The following CASK variants were observed in gnomAD, a reference collection of about 807,000 sequenced individuals.
CASK encodes peripheral plasma membrane protein CASK.
In CASK, 4 loss-of-function variants were observed where a neutral mutation model predicts 82.9. That is an observed-to-expected ratio of 0.05 (90% CI 0.02 to 0.11). The LOEUF is 0.11. CASK is among the 10% of genes least tolerant of loss of function. The pLI, the probability that CASK is intolerant of heterozygous loss-of-function variation, is 1.00. For missense variants in CASK, 358 were observed against 720.9 expected, an observed-to-expected ratio of 0.50 and a Z score of 5.76; for synonymous variants, 259 against 253.5, an observed-to-expected ratio of 1.02 and a Z score of -0.20.
At chrX:41,911,443 A>G (rs1222500550) in intron 1 of CASK, among the ~76,000 whole-genome samples, 2 of 112,539 alleles carry the variant, frequency 1.8e-5, no homozygotes, top group African/African-American at 3.2e-5. Context: ...AAGAACTAGA[A>G]GATGAAATAC....
intron 1 of CASK, among the ~76,000 whole-genome samples, chrX:41,888,724 A>AATATATGTATATATATACAT (rs1447918921): frequency 2.8e-4 from 29 of 103,074 alleles, no homozygotes; most frequent in African/African-American, 9.9e-4. Context: ...TATGTATGTG[A>AATATATGTATATATATACAT]ATATATGTAT....
intron 1 of CASK, among the ~76,000 whole-genome samples, chrX:41,881,328 C>T (rs1242143333): frequency 8.9e-6 from 1 of 111,796 alleles, no homozygotes; most frequent in Non-Finnish European, 1.9e-5. Context: ...GACAGCTCTA[C>T]TCAAGGTGAA....
In CASK at chrX:41,515,979, T is replaced by C. The variant is rs2064544130; in HGVS notation, c.*4441A>G. 1 of 112,473 alleles carries C rather than the reference T, an allele frequency of 8.9e-6. No homozygotes were observed. The highest frequency in any genetic ancestry group is 3.2e-5 in the African/African-American group (1 of 30,978). The allele number at this position is 112,473 out of a possible 1,213,427, so 9.3% of individuals were successfully genotyped here. ...ACAAACATCTCTTTCCATTTTCTTTTGCTCAGTCCATTTGCACAGGTTCGA... is the reference window on the plus strand; with the variant it reads ...ACAAACATCTCTTTCCATTTTCTTTCGCTCAGTCCATTTGCACAGGTTCGA... On this transcript the variant is annotated 3_prime_UTR_variant, in exon 27 of 27. Transcript: ENST00000378163.
chrX:41,695,596 C>T, intron 5 of CASK: 1 of 975,184 alleles, frequency 1.0e-6, no homozygotes. Flanking sequence ...AGGAATATGT[C>T]ATTTAGCACT....
intron 4 of CASK, among the ~76,000 whole-genome samples, chrX:41,744,633 C>A (rs183366173): frequency 8.9e-6 from 1 of 111,732 alleles, no homozygotes; most frequent in Non-Finnish European, 1.9e-5. Context: ...CATGAGCCAC[C>A]GCGCCCGGCC....
At position 41,520,323 on chromosome X, in the gene CASK, C is replaced by A; in HGVS notation, c.*97G>T. The A allele has an allele frequency of 1.6e-6, 1 of 615,180 alleles. No individual in the cohort carries two copies. The highest frequency in any genetic ancestry group is 2.6e-6 in the Non-Finnish European group (1 of 386,710). The allele number at this position is 615,180 out of a possible 1,213,427, so 50.7% of individuals were successfully genotyped here. On this transcript the variant is annotated 3_prime_UTR_variant, in exon 27 of 27. Coordinates refer to ENST00000378163, the MANE Select transcript of CASK (RefSeq NM_001367721.1). ...GTAGGTCACACTACAACTAGGTAGTCTCTAGGGACCATGACCTGCTGACAC... is the reference window on the plus strand; with the variant it reads ...GTAGGTCACACTACAACTAGGTAGTATCTAGGGACCATGACCTGCTGACAC...
chrX:41,734,655 G>T (rs769145750), intron 5 of CASK, among the ~76,000 whole-genome samples: 1 of 111,710 alleles, frequency 9.0e-6, no homozygotes, highest in African/African-American at 3.2e-5. Flanking sequence ...CTTAACCAGG[G>T]ACAATTTTTG....
At chrX:41,862,498 G>A (rs2071509231) in intron 1 of CASK, among the ~76,000 whole-genome samples, 1 of 99,051 alleles carries the variant, frequency 1.0e-5, no homozygotes, top group African/African-American at 3.8e-5. Context: ...CAGAGATCAT[G>A]CCACTGCACT....
chrX:41,716,375 G>T (rs779410590), intron 5 of CASK, among the ~76,000 whole-genome samples: 1 of 112,510 alleles, frequency 8.9e-6, no homozygotes, highest in Admixed American at 9.4e-5. Context: ...ATTTGCCTTC[G>T]CAAGTGTGTG....
At chrX:41,670,646 G>A (rs1338018200) in intron 6 of CASK, among the ~76,000 whole-genome samples, 1 of 111,083 alleles carries the variant, frequency 9.0e-6, no homozygotes, top group African/African-American at 3.3e-5. Flanking sequence ...TACTTGGGAG[G>A]TTGAGGTGGG....
At chrX:41,655,775 T>C (rs889939758) in intron 8 of CASK, among the ~76,000 whole-genome samples, 4 of 111,401 alleles carry the variant, frequency 3.6e-5, no homozygotes, top group African/African-American at 1.3e-4. Flanking sequence ...CAGCATCCTG[T>C]TTGGAAGGAT....
intron 12 of CASK, among the ~76,000 whole-genome samples, chrX:41,604,297 C>T (rs906309399): frequency 9.9e-6 from 1 of 101,437 alleles, no homozygotes; most frequent in African/African-American, 3.6e-5. Flanking sequence ...AAATAAGTGT[C>T]TTTATAGATG....
chrX:41,535,785 A>G (rs1438056652), intron 22 of CASK, among the ~76,000 whole-genome samples: 2 of 112,140 alleles, frequency 1.8e-5, no homozygotes, highest in African/African-American at 6.5e-5. Flanking sequence ...AAATACTTTA[A>G]CAAATATTTT....
chrX:41,699,612 C>T (rs1044763572), intron 5 of CASK, among the ~76,000 whole-genome samples: 2 of 110,642 alleles, frequency 1.8e-5, no homozygotes, highest in African/African-American at 6.6e-5. Flanking sequence ...TAAATACACT[C>T]ATAGTTCTAG....
At chrX:41,615,184 G>A (rs765331737) in intron 11 of CASK, among the ~76,000 whole-genome samples, 260 of 111,530 alleles carry the variant, frequency 2.3e-3, no homozygotes, top group Middle Eastern at 4.6e-3. Flanking sequence ...ATATTAAGTG[G>A]GATAAAAGAG....
chrX:41,844,586 G>A (rs1432246854), intron 2 of CASK, among the ~76,000 whole-genome samples: 4 of 110,937 alleles, frequency 3.6e-5, no homozygotes, highest in Non-Finnish European at 7.6e-5. Context: ...TTATTACTTT[G>A]AGTTGTCTCT....
At chrX:41,619,078 C>T (rs764979330) in intron 11 of CASK, among the ~76,000 whole-genome samples, 87 of 110,191 alleles carry the variant, frequency 7.9e-4, no homozygotes, top group African/African-American at 2.7e-3. Context: ...GATCCACCCG[C>T]CTTGGCCTCC....
At chrX:41,907,664 T>C (rs1016527669) in intron 1 of CASK, among the ~76,000 whole-genome samples, 2 of 111,837 alleles carry the variant, frequency 1.8e-5, no homozygotes, top group South Asian at 7.5e-4. Context: ...TACCCTAACA[T>C]CCTGGTGAAA....
chrX:41,777,586 C>T (rs1315613548), intron 3 of CASK, among the ~76,000 whole-genome samples: 1 of 110,209 alleles, frequency 9.1e-6, no homozygotes, highest in African/African-American at 3.3e-5. Flanking sequence ...ATATAAAAAG[C>T]ACAGAAGTGA....
Sources: gnomAD v4.1 joint callset for allele counts (sites outside exome capture counted in the v4.1 genomes callset) on GRCh38, gnomAD v4.1.1 for gene constraint, MANE v1.5 for transcripts, NCBI Gene and HGNC (gene_info 2026-07-23, HGNC 2026-07-21) for gene names.